Variants in ARSA observed in about 807,000 individuals in gnomAD.
ARSA encodes the protein cerebroside-sulfatase.
In ARSA, 32 loss-of-function variants were observed where a neutral mutation model predicts 37.8. That is an observed-to-expected ratio of 0.85 (90% confidence interval 0.64 to 1.14). The LOEUF is 1.14. Among genes scored for constraint, ARSA ranks in the 50% most tolerant of loss-of-function variants. ARSA has a pLI of 0.00. For synonymous variants in ARSA, 303 were observed against 303.4 expected (o/e 1.00, Z 0.01); for missense variants, 685 against 686.3 (o/e 1.00, Z 0.02).
At chr22:50,627,520 G>T (rs2082696384) in intron 1 of ARSA, 36 bp downstream of exon 1, 1 of 1,568,828 alleles carries the variant, frequency 6.4e-7, no homozygotes, top group Non-Finnish European at 8.6e-7. Context: ...AGGGATGGAG[G>T]GTCGGGGCGG....
chr22:50,626,457 G>A, intron 4 of ARSA, 134 bp downstream of exon 4: 1 of 1,488,308 alleles, frequency 6.7e-7, no homozygotes, highest in Non-Finnish European at 9.1e-7. Flanking sequence ...ACTACACCTT[G>A]GGCCCCTGCA....
chr22:50,625,269 T>A lies in ARSA; in HGVS notation c.1406A>T (p.Asp469Val). 6.2e-7 allele frequency: 1 copy of A among 1,612,696 alleles called. No homozygotes were observed. The highest frequency in any genetic ancestry group is 8.5e-7 in the Non-Finnish European group (1 of 1,179,774). The change falls in exon 8 of 8, where the codon GAC (aspartate) becomes GTC (valine). Residue 469 changes from aspartate to valine, a missense_variant. Asp to Val is a radical substitution (Grantham distance 152, BLOSUM62 -3). Coordinates refer to ENST00000216124, the MANE Select transcript of ARSA (RefSeq NM_000487.6). ...KQLQLLKAQL[D>V]AAVTFGPSQV... is the part of the protein sequence containing the mutation. The stretch of plus-strand genomic sequence containing the variant: ...GCTGGGGCCGAAGGTCACAGCTGCG[T>A]CTAACTGGGCCTTGAGCAGCTGAAG...
chr22:50,628,101 G>A lies in ARSA; in HGVS notation c.-322C>T, dbSNP rs1363840986. ...AGCGGAGTCGGGCCGGGGGGAAGGCGCTAGAGGGAGCCCAGGAGGAGCCGG... is the reference window on the plus strand; with the variant it reads ...AGCGGAGTCGGGCCGGGGGGAAGGCACTAGAGGGAGCCCAGGAGGAGCCGG... On this transcript the variant is annotated 5_prime_UTR_variant, in exon 1 of 8. Coordinates refer to ENST00000216124, the MANE Select transcript of ARSA (RefSeq NM_000487.6). 3 of 326,604 alleles carry A rather than the reference G, an allele frequency of 9.2e-6. No homozygotes were observed. Among genetic ancestry groups the A allele is most frequent in the East Asian group, 1.3e-4 (2 of 15,470 alleles). 20.2% of individuals were successfully genotyped at this position (326,604 alleles called of 1,614,324 possible).
Position 50,626,965 on chromosome 22 carries a change from C to T in ARSA, c.553G>A (p.Ala185Thr), listed in dbSNP as rs774996908. ...GGCTGCGCCTCCACGGACAGGTTGG[C>T]CAACAGTGGGATGGGGACCAGGCCC... ...DQGLVPIPLL[A>T]NLSVEAQPPW... Residue 185 changes from alanine to threonine, a missense_variant, in exon 3 of 8, where the codon GCC becomes ACC. Ala to Thr is a moderately conservative substitution (Grantham distance 58). Transcript: ENST00000216124. The T allele has an allele frequency of 1.2e-6, 2 of 1,612,948 alleles. No individual in the cohort carries two copies. The highest frequency in any genetic ancestry group is 1.7e-5 in the Admixed American group (1 of 60,020).
Position 50,624,739 on chromosome 22 carries a change from C to CA in ARSA, c.*405dup, listed in dbSNP as rs2082634906. Among the ~76,000 whole-genome samples, 1 of 149,384 alleles carries CA rather than the reference C, an allele frequency of 6.7e-6. No homozygotes were observed. The highest frequency in any genetic ancestry group is 2.5e-5 in the African/African-American group (1 of 40,320). On this transcript the variant is annotated 3_prime_UTR_variant, in exon 8 of 8. Transcript: ENST00000216124. ...TGGCCCTCACACCCTCCCACCCTCC[C>CA]ACCCCGTTCCTGGCACTCAAAGGCA...
Position 50,626,744 on chromosome 22 carries a change from T to C in ARSA, c.701A>G (p.Gln234Arg), listed in dbSNP as rs748583298. ...YYASHHTHYP[Q>R]FSGQSFAERS... ...CTCTGCAAAGCTCTGCCCACTGAAC[T>C]GAGGGTAGTGGGTGTGCTGGGGGCA... The change falls in exon 4 of 8, where the codon CAG becomes CGG. Residue 234 changes from glutamine to arginine, a missense_variant. Gln to Arg is a conservative substitution (Grantham distance 43, BLOSUM62 1). Transcript: ENST00000216124. 1 of 1,613,296 alleles carries C rather than the reference T, an allele frequency of 6.2e-7. No homozygotes were observed. Among genetic ancestry groups the C allele is most frequent in the African/African-American group, 1.3e-5 (1 of 74,866 alleles).
At chr22:50,626,335 G>A in intron 4 of ARSA, 57 bp from the exon 5 acceptor site, 1 of 1,595,100 alleles carries the variant, frequency 6.3e-7, no homozygotes, top group Non-Finnish European at 8.5e-7. Context: ...GCCACCGAGG[G>A]TGACCAGTGG....
In ARSA at chr22:50,623,515, C is replaced by T. The variant is rs532409168; in HGVS notation, c.*1630G>A. On this transcript the variant is annotated 3_prime_UTR_variant, in exon 8 of 8. Transcript: ENST00000216124. The stretch of plus-strand genomic sequence containing the variant: ...AGTGCAGTGGTACAATTATAGCTCA[C>T]TACAGCCTCGACCTAGTGGGCTGAA... Among the ~76,000 whole-genome samples the T allele has an allele frequency of 1.3e-3, 202 of 152,306 alleles. No individual in the cohort carries two copies. The highest frequency in any genetic ancestry group is 4.6e-3 in the African/African-American group (193 of 41,558).
In ARSA at chr22:50,625,130, C is replaced by T. The variant is rs377187248; in HGVS notation, c.*15G>A. On this transcript the variant is annotated 3_prime_UTR_variant, in exon 8 of 8. Coordinates refer to ENST00000216124, the MANE Select transcript of ARSA (RefSeq NM_000487.6). Reference sequence around the variant, plus strand: ...AGTGAGGAGCCATCACATGCCCAGGCCAGCCGAGGGGCCCTCAGGCATGGG... The same window carrying T: ...AGTGAGGAGCCATCACATGCCCAGGTCAGCCGAGGGGCCCTCAGGCATGGG... 2.4e-4 allele frequency: 363 copies of T among 1,531,364 alleles called. 2 individuals carry two copies. The highest frequency in any genetic ancestry group is 5.9e-5 in the Non-Finnish European group (67 of 1,140,604). 94.9% of individuals were successfully genotyped at this position (1,531,364 alleles called of 1,614,324 possible).
In ARSA at chr22:50,624,882, G is replaced by A. The variant is rs2082636784; in HGVS notation, c.*263C>T. The A allele has an allele frequency of 2.1e-6, 1 of 481,656 alleles. No homozygotes were observed. Among genetic ancestry groups the A allele is most frequent in the African/African-American group, 2.0e-5 (1 of 51,270 alleles). 29.8% of individuals were successfully genotyped at this position (481,656 alleles called of 1,614,324 possible). A position where few individuals can be genotyped will look rare whatever the true frequency, so the allele number is the denominator to read the frequency against. On this transcript the variant is annotated 3_prime_UTR_variant, in exon 8 of 8. Coordinates refer to ENST00000216124, the MANE Select transcript of ARSA (RefSeq NM_000487.6). Reference sequence around the variant, plus strand: ...GGCAGCTTCCAGAGCCACGACACCAGGGTTCAAATCCCAGCCCAACCTCTT... The same window carrying A: ...GGCAGCTTCCAGAGCCACGACACCAAGGTTCAAATCCCAGCCCAACCTCTT...
rs763065602 is a variant in ARSA at position 50,625,278 on chromosome 22, G to A, written c.1397C>T (p.Ala466Val). ...QALKQLQLLK[A>V]QLDAAVTFGP... ...GAAGGTCACAGCTGCGTCTAACTGG[G>A]CCTTGAGCAGCTGAAGCTGTTTCAG... The change falls in exon 8 of 8, where the codon GCC (alanine) becomes GTC (valine). Residue 466 changes from alanine to valine, a missense_variant. Transcript: ENST00000216124. 2.5e-6 allele frequency: 4 copies of A among 1,612,946 alleles called. No individual in the cohort carries two copies. The highest frequency in any genetic ancestry group is 2.5e-6 in the Non-Finnish European group (3 of 1,179,898).
Position 50,625,122 on chromosome 22 carries a change from T to C in ARSA, c.*23A>G, listed in dbSNP as rs770665890. 1 of 1,517,414 alleles carries C rather than the reference T, an allele frequency of 6.6e-7. No homozygotes were observed. Among genetic ancestry groups the C allele is most frequent in the Admixed American group, 2.1e-5 (1 of 48,090 alleles). 94.0% of individuals were successfully genotyped at this position (1,517,414 alleles called of 1,614,324 possible). Reference sequence around the variant, plus strand: ...AGGCTCCCAGTGAGGAGCCATCACATGCCCAGGCCAGCCGAGGGGCCCTCA... The same window carrying C: ...AGGCTCCCAGTGAGGAGCCATCACACGCCCAGGCCAGCCGAGGGGCCCTCA... On this transcript the variant is annotated 3_prime_UTR_variant, in exon 8 of 8. Coordinates refer to ENST00000216124, the MANE Select transcript of ARSA (RefSeq NM_000487.6).
In ARSA at chr22:50,625,220, G is replaced by A. The variant is rs903106180; in HGVS notation, c.1455C>T (p.Pro485=). The A allele has an allele frequency of 3.4e-5, 55 of 1,608,328 alleles. No individual in the cohort carries two copies. Among genetic ancestry groups the A allele is most frequent in the Middle Eastern group, 1.7e-4 (1 of 6,050 alleles). ...CAGGATGACAGCAGATCTGCAGGGC[G>A]GGGTCCTCGCCCCGGGCCACCTGGC... The part of the protein sequence containing the change: ...GPSQVARGED[P]ALQICCHPGC... Residue 485 remains proline, a synonymous_variant, in exon 8 of 8, where the codon CCC becomes CCT. Coordinates refer to ENST00000216124, the MANE Select transcript of ARSA (RefSeq NM_000487.6).
chr22:50,625,417 T>G lies in ARSA; in HGVS notation c.1258A>C (p.Ser420Arg), dbSNP rs139073195. 31 of 1,596,210 alleles carry G rather than the reference T, an allele frequency of 1.9e-5. No individual in the cohort carries two copies. In the African/African-American group the frequency reaches 4.0e-4, roughly 21 times the overall value. The change falls in exon 8 of 8, where the codon AGC (serine) becomes CGC (arginine). Residue 420 changes from serine (S) to arginine (R), a missense_variant. Physicochemically the swap from Ser to Arg is moderately radical, Grantham distance 110 (BLOSUM62 -1). Transcript: ENST00000216124. ...GGGGGCTCATGAGCAGTCAGAGAGC[T>G]GGAGGCGTGGCAGGCAGGGTCTGCA... ...TTADPACHAS[S>R]SLTAHEPPLL...
In ARSA at chr22:50,624,069, T is replaced by A. The variant is rs114833506; in HGVS notation, c.*1076A>T. ...CAGGAGTGAATCGCCGTGTGCAGCC[T>A]AACAGATTTTTTGTTTTTTGAGACA... is the stretch of plus-strand genomic sequence containing the variant. On this transcript the variant is annotated 3_prime_UTR_variant, in exon 8 of 8. Coordinates refer to ENST00000216124, the MANE Select transcript of ARSA (RefSeq NM_000487.6). 0.026 allele frequency among the ~76,000 whole-genome samples: 3,929 copies of A among 152,168 alleles called. 150 individuals are homozygous for A. Among genetic ancestry groups the A allele is most frequent in the African/African-American group, 0.088 (3,672 of 41,498 alleles).
In ARSA at chr22:50,625,012, G is replaced by T; in HGVS notation, c.*133C>A. On this transcript the variant is annotated 3_prime_UTR_variant, in exon 8 of 8. Transcript: ENST00000216124. ...AGCACACAGCATTACCCCAGGATTG[G>T]ACGAATTGTCACATCTGCAAGTCTC... The T allele has an allele frequency of 8.9e-7, 1 of 1,126,650 alleles. No individual in the cohort carries two copies. The highest frequency in any genetic ancestry group is 1.2e-6 in the Non-Finnish European group (1 of 820,470). The allele number at this position is 1,126,650 out of a possible 1,614,324, so 69.8% of individuals were successfully genotyped here. A position where few individuals can be genotyped will look rare whatever the true frequency, so the allele number is the denominator to read the frequency against.
In ARSA at chr22:50,626,168, C is replaced by T. The variant is rs772857440; in HGVS notation, c.965G>A (p.Gly322Asp). The T allele has an allele frequency of 1.2e-6, 2 of 1,605,794 alleles. No individual in the cohort carries two copies. The highest frequency in any genetic ancestry group is 8.5e-7 in the Non-Finnish European group (1 of 1,176,956). ...TGCGGACTGACCGGGAGCGATATGA[C>T]CTGGCCAGAAGGCCAAGGCAGGCTC... Reference protein sequence around the residue: ...VREPALAFWPGHIAPGVTHEL... With the variant: ...VREPALAFWPDHIAPGVTHEL... The change falls in exon 5 of 8, where the codon GGT becomes GAT. Residue 322 changes from glycine to aspartate, a missense_variant. Transcript: ENST00000216124.
rs2082676634 is a variant in ARSA at position 50,626,762 on chromosome 22, TG to T, written c.685-3del. The T allele has an allele frequency of 1.2e-6, 2 of 1,612,600 alleles. No homozygotes were observed. Among genetic ancestry groups the T allele is most frequent in the Non-Finnish European group, 1.7e-6 (2 of 1,178,900 alleles). On this transcript the variant is annotated splice_region_variant and splice_polypyrimidine_tract_variant and intron_variant, in intron 3 of 7. Transcript: ENST00000216124. ...ACTGAACTGAGGGTAGTGGGTGTGC[TG>T]GGGGCAAAGACTGGAGTTAGCACTG...
Position 50,626,692 on chromosome 22 carries a change from G to C in ARSA, c.753C>G (p.Asp251Glu). 6.2e-7 allele frequency: 1 copy of C among 1,614,156 alleles called. No homozygotes were observed. ...CAGCTGCATCCAGCTCCATCAGGGAGTCCCCAAATGGCCCGCGGCCTGAAC... is the reference window on the plus strand; with the variant it reads ...CAGCTGCATCCAGCTCCATCAGGGACTCCCCAAATGGCCCGCGGCCTGAAC... ...AERSGRGPFGDSLMELDAAVG... is the reference protein window; with the variant it reads ...AERSGRGPFGESLMELDAAVG... The change falls in exon 4 of 8, where the codon GAC (aspartate) becomes GAG (glutamate). Residue 251 changes from aspartate (D) to glutamate (E), a missense_variant. Transcript: ENST00000216124.
Sources: gnomAD v4.1 joint callset for allele counts (sites outside exome capture counted in the v4.1 genomes callset) on GRCh38, gnomAD v4.1.1 for gene constraint, MANE v1.5 for transcripts, NCBI Gene and HGNC (gene_info 2026-07-23, HGNC 2026-07-21) for gene names.